Variants in NALF1 observed in about 807,000 individuals in gnomAD.
The protein encoded by NALF1 is NALCN channel auxiliary factor 1.
In NALF1, 3 loss-of-function variants were observed where a neutral mutation model predicts 48.4. The observed-to-expected ratio is 0.06, with a 90% CI of 0.03 to 0.16. The LOEUF is 0.16. Among genes scored for constraint, NALF1 ranks in the 10% least tolerant of loss-of-function variants. The pLI is 1.00. For synonymous variants in NALF1, 262 were observed against 245.7 expected, an observed-to-expected ratio of 1.07 and a Z score of -0.62; for missense variants, 526 against 571.5, an observed-to-expected ratio of 0.92 and a Z score of 0.81.
chr13:107,682,255 T>C (rs904026873), intron 1 of NALF1, among the ~76,000 whole-genome samples: 1 of 152,158 alleles, frequency 6.6e-6, no homozygotes, highest in African/African-American at 2.4e-5. Context: ...AATGCTCTAA[T>C]ATGCTTTAAG....
chr13:107,350,382 T>G (rs1882852288), intron 1 of NALF1, among the ~76,000 whole-genome samples: 1 of 152,218 alleles, frequency 6.6e-6, no homozygotes, highest in Admixed American at 6.5e-5. Flanking sequence ...CAGGTGTATT[T>G]TAAGTGCTTC....
intron 1 of NALF1, among the ~76,000 whole-genome samples, chr13:107,647,879 T>G (rs933939604): frequency 6.6e-6 from 1 of 152,184 alleles, no homozygotes; most frequent in East Asian, 1.9e-4. Flanking sequence ...ATTTCAAAAC[T>G]GATCTACCTA....
chr13:107,330,042 G>A (rs946481106), intron 1 of NALF1, among the ~76,000 whole-genome samples: 1 of 152,128 alleles, frequency 6.6e-6, no homozygotes, highest in African/African-American at 2.4e-5. Flanking sequence ...GAACTCAGGA[G>A]GGATTGTTTA....
chr13:107,194,014 A>G (rs1027663548), intron 2 of NALF1, among the ~76,000 whole-genome samples: 7 of 46,962 alleles, frequency 1.5e-4, no homozygotes, highest in African/African-American at 5.8e-4. Context: ...TATCTTATCT[A>G]TCTATCTATC....
At chr13:107,522,562 AATG>A (rs142475276) in intron 1 of NALF1, among the ~76,000 whole-genome samples, 6,588 of 151,458 alleles carry the variant, frequency 0.043, 235 homozygotes, top group East Asian at 0.1. Flanking sequence ...TTGTCTGGTG[AATG>A]ATATTAAATA....
At chr13:107,588,334 A>G (rs1198298596) in intron 1 of NALF1, among the ~76,000 whole-genome samples, 1 of 152,112 alleles carries the variant, frequency 6.6e-6, no homozygotes. Context: ...GAACATGGGT[A>G]TGTTGGAGAG....
chr13:107,240,814 T>C (rs1210443697), intron 1 of NALF1, among the ~76,000 whole-genome samples: 5 of 152,116 alleles, frequency 3.3e-5, no homozygotes, highest in Non-Finnish European at 7.4e-5. Context: ...TTCACCTTTT[T>C]TTTTTAAGAC....
chr13:107,812,609 C>G (rs1204514412), intron 1 of NALF1, among the ~76,000 whole-genome samples: 3 of 152,088 alleles, frequency 2.0e-5, no homozygotes, highest in African/African-American at 7.2e-5. Flanking sequence ...GAACTTTATA[C>G]AATTAATTTC....
intron 1 of NALF1, among the ~76,000 whole-genome samples, chr13:107,331,034 G>A (rs931602398): frequency 1.3e-5 from 2 of 152,048 alleles, no homozygotes; most frequent in Admixed American, 6.6e-5. Flanking sequence ...GGTAATAATT[G>A]CAGTGAATAT....
rs1878773577 is a variant in NALF1 at position 107,170,394 on chromosome 13, TA to T, written c.*102del. The T allele has an allele frequency of 5.1e-6, 6 of 1,175,492 alleles. No individual in the cohort carries two copies. The South Asian group carries it at 8.9e-5, about 17-fold the overall frequency. 72.8% of individuals were successfully genotyped at this position (1,175,492 alleles called of 1,614,324 possible). A position where few individuals can be genotyped will look rare whatever the true frequency, so the allele number is the denominator to read the frequency against. ...AAATTTTACCCTAAAGGCCTTGCAA[TA>T]AGTAATTCGAGGGTAAAAGCACCCA... On this transcript the variant is annotated 3_prime_UTR_variant, in exon 3 of 3. Coordinates refer to ENST00000375915, the MANE Select transcript of NALF1 (RefSeq NM_001080396.3).
intron 1 of NALF1, among the ~76,000 whole-genome samples, chr13:107,785,726 A>C (rs779266332): frequency 2.6e-5 from 4 of 152,196 alleles, no homozygotes; most frequent in Non-Finnish European, 4.4e-5. Context: ...AGTGAGATGC[A>C]AATAAATACC....
intron 1 of NALF1, among the ~76,000 whole-genome samples, chr13:107,824,282 T>C (rs1224392933): frequency 6.6e-6 from 1 of 152,152 alleles, no homozygotes; most frequent in African/African-American, 2.4e-5. Context: ...TGATTGTTAA[T>C]ATAGGGACCC....
Position 107,378,367 on chromosome 13 carries a change from T to C in NALF1, c.916-167612A>G, listed in dbSNP as rs994784328. 3.3e-5 allele frequency among the ~76,000 whole-genome samples: 5 copies of C among 150,604 alleles called. No individual in the cohort carries two copies. In the East Asian group the frequency reaches 9.7e-4, roughly 29 times the overall value. On this transcript the variant is annotated intron_variant, in intron 1 of 2. Coordinates refer to ENST00000375915, the MANE Select transcript of NALF1 (RefSeq NM_001080396.3). The stretch of plus-strand genomic sequence containing the variant: ...AGTGGTTATTACAATGTAATTGATT[T>C]TTAGTAGGTAAATAATTTGGAGAGA...
chr13:107,808,195 T>C (rs1878867098), intron 1 of NALF1, among the ~76,000 whole-genome samples: 1 of 152,020 alleles, frequency 6.6e-6, no homozygotes. Context: ...TGCAGTAGCC[T>C]TTGTGGGTTA....
At chr13:107,478,217 C>T (rs1242515198) in intron 1 of NALF1, among the ~76,000 whole-genome samples, 6 of 152,104 alleles carry the variant, frequency 3.9e-5, no homozygotes, top group Admixed American at 3.3e-4. Flanking sequence ...AGTCAACACT[C>T]ATTTTCTCAC....
intron 1 of NALF1, among the ~76,000 whole-genome samples, chr13:107,588,001 C>T (rs1878505834): frequency 6.6e-6 from 1 of 152,086 alleles, no homozygotes; most frequent in Non-Finnish European, 1.5e-5. Flanking sequence ...TGAATATTCT[C>T]TTGCTTACTT....
At chr13:107,529,870 T>C (rs1876568622) in intron 1 of NALF1, among the ~76,000 whole-genome samples, 4 of 152,080 alleles carry the variant, frequency 2.6e-5, no homozygotes, top group Admixed American at 2.6e-4. Flanking sequence ...CTAGTTACAA[T>C]GCTTGACATC....
rs571362871 is a variant in NALF1 at position 107,722,713 on chromosome 13, C to T, written c.915+142969G>A. ...TCTCCACTCGTGGGGGGTCAGGGCACCTCTCCACCCCTCATTTCCATCTGT... is the reference window on the plus strand; with the variant it reads ...TCTCCACTCGTGGGGGGTCAGGGCATCTCTCCACCCCTCATTTCCATCTGT... On this transcript the variant is annotated intron_variant, in intron 1 of 2. Transcript: ENST00000375915. Among the ~76,000 whole-genome samples, 32 of 152,304 alleles carry T rather than the reference C, an allele frequency of 2.1e-4. No homozygotes were observed. The South Asian group carries it at 6.4e-3, about 31-fold the overall frequency.
chr13:107,313,817 G>T (rs1458672487), intron 1 of NALF1, among the ~76,000 whole-genome samples: 1 of 152,012 alleles, frequency 6.6e-6, no homozygotes, highest in Non-Finnish European at 1.5e-5. Flanking sequence ...TGACCTGGAG[G>T]CCTCCACTTC....
Sources: gnomAD v4.1 joint callset for allele counts (sites outside exome capture counted in the v4.1 genomes callset) on GRCh38, gnomAD v4.1.1 for gene constraint, MANE v1.5 for transcripts, NCBI Gene and HGNC (gene_info 2026-07-23, HGNC 2026-07-21) for gene names.